The following RAPGEF1 variants were observed in gnomAD, a reference collection of about 807,000 sequenced individuals.
RAPGEF1 encodes CRK SH3-binding GNRP.
Under a neutral mutation model 143.3 loss-of-function variants are expected in RAPGEF1, and 33 were observed. The observed-to-expected ratio is 0.23, with a 90% CI of 0.17 to 0.31. The LOEUF is 0.31. Among genes scored for constraint, RAPGEF1 ranks in the 10% least tolerant of loss-of-function variants. The pLI is 1.00. For missense variants in RAPGEF1, 1,199 were observed against 1,645.4 expected, an observed-to-expected ratio of 0.73 and a Z score of 4.69; for synonymous variants, 629 against 676.5, an observed-to-expected ratio of 0.93 and a Z score of 1.09.
chr9:131,593,821 A>G (rs1416586285), intron 17 of RAPGEF1, among the ~76,000 whole-genome samples: 1 of 152,276 alleles, frequency 6.6e-6, no homozygotes, highest in South Asian at 2.1e-4. Context: ...TTTTGTTCAA[A>G]GAGTTTGGGG....
chr9:131,596,709 C>T lies in RAPGEF1; in HGVS notation c.2614-336G>A, dbSNP rs116999134. Among the ~76,000 whole-genome samples the T allele has an allele frequency of 9.6e-3, 1,468 of 152,256 alleles. 20 individuals carry two copies. The highest frequency in any genetic ancestry group is 0.015 in the Non-Finnish European group (989 of 68,006). ...AGCACCTTCCATCCTTCCTTGCTCA[C>T]CAAACCACAAGTCAGAGGTGAGGTA... is the stretch of plus-strand genomic sequence containing the variant. On this transcript the variant is annotated intron_variant, in intron 16 of 26. Coordinates refer to ENST00000683357, the MANE Select transcript of RAPGEF1 (RefSeq NM_001377935.1).
At position 131,583,552 on chromosome 9, in the gene RAPGEF1, G is replaced by C. The variant is rs947370655; in HGVS notation, c.3414+759C>G. On this transcript the variant is annotated intron_variant, in intron 24 of 26. Coordinates refer to ENST00000683357, the MANE Select transcript of RAPGEF1 (RefSeq NM_001377935.1). This position sits in a 1 kb window ranked among gnomAD's most constrained non-coding sequence, Gnocchi z 4.7. ...CACTCAGGTCCCTGACACAATCCCTGGGTGGCCTGGCTGAACTTGGGTCCC... is the reference window on the plus strand; with the variant it reads ...CACTCAGGTCCCTGACACAATCCCTCGGTGGCCTGGCTGAACTTGGGTCCC... Among the ~76,000 whole-genome samples, 2 of 151,292 alleles carry C rather than the reference G, an allele frequency of 1.3e-5. No homozygotes were observed. The highest frequency in any genetic ancestry group is 4.9e-5 in the African/African-American group (2 of 41,060).
At chr9:131,582,038 C>A (rs1951939585) in intron 25 of RAPGEF1, among the ~76,000 whole-genome samples, 1 of 152,194 alleles carries the variant, frequency 6.6e-6, no homozygotes, top group South Asian at 2.1e-4. Flanking sequence ...TCTCGTAAGT[C>A]CTGCAACAGA....
rs867945597 is a variant in RAPGEF1, at chr9:131,740,070, C to G, written c.-240G>C. On this transcript the variant is annotated 5_prime_UTR_variant, in exon 1 of 27. Transcript: ENST00000683357. The surrounding 1 kb of genome is among the most constrained non-coding windows in gnomAD (Gnocchi z 4.5). ...CCCGGCCCGCGAGCCGGCCGCAGCG[C>G]AGCGACGCCGCCCGCCCGCCCGCCG... 1 of 145,852 alleles carries G rather than the reference C, an allele frequency of 6.9e-6. No individual in the cohort carries two copies. The highest frequency in any genetic ancestry group is 6.8e-5 in the Admixed American group (1 of 14,700). 9.0% of individuals were successfully genotyped at this position (145,852 alleles called of 1,614,324 possible).
intron 5 of RAPGEF1, among the ~76,000 whole-genome samples, chr9:131,632,288 C>T (rs1965121321): frequency 7.0e-6 from 1 of 143,146 alleles, no homozygotes; most frequent in Admixed American, 7.1e-5. Context: ...GCCACTGCAC[C>T]CGGCTAATTT....
At chr9:131,729,504 TA>T (rs1836887058) in intron 1 of RAPGEF1, among the ~76,000 whole-genome samples, 1 of 152,246 alleles carries the variant, frequency 6.6e-6, no homozygotes, top group Non-Finnish European at 1.5e-5. Flanking sequence ...GGCTTCTTCA[TA>T]AATCTGTAGG....
At chr9:131,707,692 C>T (rs1170347072) in intron 1 of RAPGEF1, among the ~76,000 whole-genome samples, 2 of 152,136 alleles carry the variant, frequency 1.3e-5, no homozygotes, top group African/African-American at 4.8e-5. Context: ...CTGCCTGCCT[C>T]GGCCTTCCAA....
chr9:131,737,561 A>G (rs1169462890), intron 1 of RAPGEF1: 28 of 1,589,690 alleles, frequency 1.8e-5, no homozygotes, highest in Non-Finnish European at 2.4e-5. Flanking sequence ...CTATGCTGAA[A>G]TGAACTGGCC....
At chr9:131,645,303 T>G (rs1447871632) in intron 3 of RAPGEF1, among the ~76,000 whole-genome samples, 1 of 152,182 alleles carries the variant, frequency 6.6e-6, no homozygotes, top group Non-Finnish European at 1.5e-5. Flanking sequence ...TCAGAAAGTG[T>G]TAGAGACCAG....
intron 1 of RAPGEF1, among the ~76,000 whole-genome samples, chr9:131,681,907 C>A (rs1832942194): frequency 6.6e-6 from 1 of 152,202 alleles, no homozygotes; most frequent in African/African-American, 2.4e-5. Context: ...AAAAAGATGA[C>A]TGCAGATTCG....
rs1319629737 is a variant in RAPGEF1 at position 131,729,603 on chromosome 9, G to A, written c.61+10167C>T. ...GTACATTCCAACCCAAGGCAGTGGTGGTGCCGGCAAGTCAGCCCTAGACCC... is the reference window on the plus strand; with the variant it reads ...GTACATTCCAACCCAAGGCAGTGGTAGTGCCGGCAAGTCAGCCCTAGACCC... On this transcript the variant is annotated intron_variant, in intron 1 of 26. Coordinates refer to ENST00000683357, the MANE Select transcript of RAPGEF1 (RefSeq NM_001377935.1). Among the ~76,000 whole-genome samples the A allele has an allele frequency of 5.9e-5, 9 of 152,206 alleles. 1 individual carries two copies. The highest frequency in any genetic ancestry group is 5.9e-4 in the Admixed American group (9 of 15,292).
chr9:131,578,863 G>C lies in RAPGEF1; in HGVS notation c.*634C>G, dbSNP rs1392024896. The C allele has an allele frequency of 6.6e-6, 1 of 152,550 alleles. No homozygotes were observed. The highest frequency in any genetic ancestry group is 1.5e-5 in the Non-Finnish European group (1 of 68,318). The allele number at this position is 152,550 out of a possible 1,614,324, so 9.4% of individuals were successfully genotyped here. ...GAGGCCCTGATGGCGCCAGTACCGC[G>C]GGGCAGAGCACCAGCTGCGGGGCTG... On this transcript the variant is annotated 3_prime_UTR_variant, in exon 27 of 27. Transcript: ENST00000683357.
At chr9:131,685,448 G>C (rs568443498) in intron 1 of RAPGEF1, among the ~76,000 whole-genome samples, 5 of 152,200 alleles carry the variant, frequency 3.3e-5, no homozygotes, top group African/African-American at 9.7e-5. Context: ...CAAGGAACAC[G>C]GGGCCCACCC....
At chr9:131,582,005 G>A (rs1951933387) in intron 25 of RAPGEF1, among the ~76,000 whole-genome samples, 1 of 152,196 alleles carries the variant, frequency 6.6e-6, no homozygotes, top group Non-Finnish European at 1.5e-5. Flanking sequence ...GATTCTCAGT[G>A]TCTACTAGTA....
At chr9:131,692,418 T>C (rs1176386151) in intron 1 of RAPGEF1, among the ~76,000 whole-genome samples, 2 of 152,240 alleles carry the variant, frequency 1.3e-5, no homozygotes, top group East Asian at 1.9e-4. Context: ...TTTGGAAACA[T>C]CTGGCTACAA....
intron 4 of RAPGEF1, among the ~76,000 whole-genome samples, chr9:131,642,435 C>T (rs1488638079): frequency 6.6e-6 from 1 of 152,260 alleles, no homozygotes. Context: ...GGCATCTTTG[C>T]CCGCCAGCAG....
chr9:131,727,651 G>A (rs1836764811), intron 1 of RAPGEF1, among the ~76,000 whole-genome samples: 2 of 152,288 alleles, frequency 1.3e-5, no homozygotes, highest in East Asian at 1.9e-4. Context: ...CTCCTGCCAA[G>A]CTGAGGCCAG....
Position 131,651,813 on chromosome 9 carries a change from T to C in RAPGEF1, c.62-864A>G, listed in dbSNP as rs537979068. Among the ~76,000 whole-genome samples, 8 of 152,290 alleles carry C rather than the reference T, an allele frequency of 5.3e-5. No homozygotes were observed. The South Asian group carries it at 1.0e-3, about 20-fold the overall frequency. On this transcript the variant is annotated intron_variant, in intron 1 of 26. Transcript: ENST00000683357. ...AGGCAACTTCGTTGTGCAAATGTCA[T>C]AGAGTATACTCAAATGAACCTAGAT...
chr9:131,652,925 T>C (rs998730458), intron 1 of RAPGEF1, among the ~76,000 whole-genome samples: 1 of 152,232 alleles, frequency 6.6e-6, no homozygotes, highest in African/African-American at 2.4e-5. Context: ...GAGTAATGCA[T>C]TGCGCTGGAT....
Sources: gnomAD v4.1 joint callset for allele counts (sites outside exome capture counted in the v4.1 genomes callset) on GRCh38, gnomAD v4.1.1 for gene constraint, Gnocchi (gnomAD v3.1) non-coding constraint, MANE v1.5 for transcripts, NCBI Gene and HGNC (gene_info 2026-07-23, HGNC 2026-07-21) for gene names.